The following TBC1D19 variants were observed in gnomAD, a reference collection of about 807,000 sequenced individuals.
TBC1D19 encodes TBC1 domain family, member 19.
A neutral mutation model predicts 89.0 loss-of-function variants in TBC1D19; 60 were observed. That is an observed-to-expected ratio of 0.67 (90% CI 0.55 to 0.84). TBC1D19 has a LOEUF of 0.84. TBC1D19 is among the 40% of genes least tolerant of loss of function. The pLI is 0.00. For missense variants in TBC1D19, 500 were observed against 610.8 expected, an observed-to-expected ratio of 0.82 and a Z score of 1.91; for synonymous variants, 189 against 199.7, an observed-to-expected ratio of 0.95 and a Z score of 0.45.
intron 15 of TBC1D19, among the ~76,000 whole-genome samples, chr4:26,728,513 G>T (rs1235443174): frequency 6.6e-6 from 1 of 151,820 alleles, no homozygotes; most frequent in Non-Finnish European, 1.5e-5. Flanking sequence ...GCAGTAGGAA[G>T]GTAAAAAAAA....
the TBC1D19 span, among the ~76,000 whole-genome samples, chr4:26,777,132 CT>C: frequency 8.5e-6 from 1 of 117,152 alleles, no homozygotes; most frequent in Non-Finnish European, 1.7e-5. Flanking sequence ...ATCTCTCTCT[CT>C]TCTTTTTTTT....
the TBC1D19 span, among the ~76,000 whole-genome samples, chr4:26,841,896 T>G: frequency 6.6e-6 from 1 of 152,218 alleles, no homozygotes; most frequent in Non-Finnish European, 1.5e-5. Flanking sequence ...GAACTGGCAT[T>G]GCACAATATA....
chr4:26,584,403 C>A, intron 1 of TBC1D19, 111 bp downstream of exon 1: 1 of 959,876 alleles, frequency 1.0e-6, no homozygotes, highest in South Asian at 1.6e-5. Flanking sequence ...CAGCTCCGCT[C>A]TGGTGCTCAA....
At chr4:26,580,205 G>T (rs1739039642), upstream of TBC1D19, among the ~76,000 whole-genome samples, 1 of 152,178 alleles carries the variant, frequency 6.6e-6, no homozygotes, top group African/African-American at 2.4e-5. Context: ...CTGATACTCA[G>T]CCTGGATTCA....
intron 13 of TBC1D19, among the ~76,000 whole-genome samples, chr4:26,695,869 G>A (rs527467804): frequency 2.6e-4 from 40 of 152,248 alleles, no homozygotes; most frequent in African/African-American, 9.6e-4. Flanking sequence ...CACTAAACAT[G>A]GAAAGGAACA....
intron 20 of TBC1D19, chr4:26,754,242 AT>A (rs1433452162): frequency 1.5e-5 from 3 of 199,580 alleles, no homozygotes; most frequent in Non-Finnish European, 3.1e-5. Context: ...ACTTGAGAGA[AT>A]TAAAGAGCAT....
intron 1 of TBC1D19, among the ~76,000 whole-genome samples, chr4:26,607,502 T>A (rs981275942): frequency 2.6e-5 from 4 of 152,204 alleles, no homozygotes; most frequent in African/African-American, 9.6e-5. Flanking sequence ...ACAGAGAGGT[T>A]AAGTGACTTG....
the TBC1D19 span, among the ~76,000 whole-genome samples, chr4:26,855,729 G>C: frequency 6.6e-6 from 1 of 152,172 alleles, no homozygotes; most frequent in Non-Finnish European, 1.5e-5. Context: ...TCTAAAGTAG[G>C]TGTTTTGTAT....
intron 13 of TBC1D19, among the ~76,000 whole-genome samples, chr4:26,689,538 C>T (rs1714100390): frequency 6.6e-6 from 1 of 152,120 alleles, no homozygotes; most frequent in Admixed American, 6.6e-5. Context: ...GCAAGTCTAT[C>T]AGCACCATTT....
At chr4:26,847,369 G>T in the TBC1D19 span, among the ~76,000 whole-genome samples, 4 of 152,270 alleles carry the variant, frequency 2.6e-5, no homozygotes, top group Admixed American at 1.3e-4. Context: ...GTCAGACAAG[G>T]CTCCACTGAG....
chr4:26,832,806 A>C, the TBC1D19 span, among the ~76,000 whole-genome samples: 1 of 152,056 alleles, frequency 6.6e-6, no homozygotes, highest in Non-Finnish European at 1.5e-5. Context: ...CCAGCCTGGC[A>C]AACATGGCAA....
the TBC1D19 span, among the ~76,000 whole-genome samples, chr4:26,835,025 C>T: frequency 3.5e-4 from 53 of 152,310 alleles, no homozygotes; most frequent in East Asian, 4.4e-3. Flanking sequence ...CCAAAGATGT[C>T]CACCTCTTAA....
chr4:26,796,131 G>A, the TBC1D19 span, among the ~76,000 whole-genome samples: 1 of 152,084 alleles, frequency 6.6e-6, no homozygotes, highest in Non-Finnish European at 1.5e-5. Context: ...ATAATTTGAC[G>A]AGTCCCCTAG....
chr4:26,660,841 A>C (rs577305753), intron 8 of TBC1D19, among the ~76,000 whole-genome samples: 16 of 152,184 alleles, frequency 1.1e-4, no homozygotes, highest in African/African-American at 3.6e-4. Context: ...CTAAGTTCTT[A>C]GTTTCTTCTT....
chr4:26,604,661 G>A (rs1339736695), intron 1 of TBC1D19, among the ~76,000 whole-genome samples: 1 of 151,334 alleles, frequency 6.6e-6, no homozygotes, highest in African/African-American at 2.4e-5. Flanking sequence ...GGATCACGAG[G>A]TTGGGAGATC....
intron 1 of TBC1D19, among the ~76,000 whole-genome samples, chr4:26,586,120 ATCCATTTTG>A (rs1739396606): frequency 2.1e-5 from 1 of 46,960 alleles, no homozygotes; most frequent in Admixed American, 4.1e-4. Context: ...TAGAAGTGTG[ATCCATTTTG>A]TGATCCATTT....
chr4:26,795,723 A>G, the TBC1D19 span, among the ~76,000 whole-genome samples: 1 of 152,218 alleles, frequency 6.6e-6, no homozygotes, highest in Non-Finnish European at 1.5e-5. Context: ...TCTAATGCCA[A>G]TAGTGTTGGG....
At chr4:26,684,397 A>C (rs919410428) in intron 12 of TBC1D19, among the ~76,000 whole-genome samples, 6 of 152,130 alleles carry the variant, frequency 3.9e-5, no homozygotes, top group African/African-American at 1.2e-4. Flanking sequence ...GCTTGATCTG[A>C]TTGAATCCTG....
Position 26,584,099 on chromosome 4 carries a change from C to G in TBC1D19, c.-95C>G, listed in dbSNP as rs1577742159. On this transcript the variant is annotated 5_prime_UTR_variant, in exon 1 of 21. Coordinates refer to ENST00000264866, the MANE Select transcript of TBC1D19 (RefSeq NM_018317.4). ...GAGGAGTCCCAGTGTAATAAGGTCC[C>G]GGAGAAGTGTCACTGGCCCTGAGTG... The G allele has an allele frequency of 7.2e-6, 9 of 1,255,634 alleles. No homozygotes were observed. The highest frequency in any genetic ancestry group is 3.9e-5 in the South Asian group (3 of 76,560). 77.8% of individuals were successfully genotyped at this position (1,255,634 alleles called of 1,614,324 possible).
Sources: allele counts gnomAD v4.1 joint callset (sites outside exome capture counted in the v4.1 genomes callset), GRCh38; gene constraint gnomAD v4.1.1; transcripts MANE v1.5; gene names NCBI Gene and HGNC (gene_info 2026-07-23, HGNC 2026-07-21).